Variants in GFOD1 observed in about 807,000 individuals in gnomAD.
GFOD1 encodes Gfo/Idh/MocA-like oxidoreductase domain containing 1.
In GFOD1, 9 loss-of-function variants were observed where a neutral mutation model predicts 25.4. That is an observed-to-expected ratio of 0.35 (90% CI 0.21 to 0.62). The LOEUF (loss-of-function observed/expected upper bound fraction) is 0.62. GFOD1 is among the 20% of genes least tolerant of loss of function. GFOD1 has a pLI of 0.72. For missense variants in GFOD1, 403 were observed against 556.9 expected, an observed-to-expected ratio of 0.72 and a Z score of 2.78; for synonymous variants, 253 against 245.6, an observed-to-expected ratio of 1.03 and a Z score of -0.28.
chr6:13,481,558 T>TACACAC (rs55888360), intron 1 of GFOD1, among the ~76,000 whole-genome samples: 7 of 150,790 alleles, frequency 4.6e-5, no homozygotes, highest in African/African-American at 1.7e-4. Flanking sequence ...AGTGATACCT[T>TACACAC]ACACACACAC....
chr6:13,459,684 G>T (rs1419321648), intron 1 of GFOD1, among the ~76,000 whole-genome samples: 2 of 152,054 alleles, frequency 1.3e-5, no homozygotes, highest in Non-Finnish European at 2.9e-5. Context: ...CAAAAAGTAG[G>T]CAAAGGACAT....
chr6:13,483,755 T>G (rs190185401), intron 1 of GFOD1, among the ~76,000 whole-genome samples: 2 of 152,196 alleles, frequency 1.3e-5, no homozygotes, highest in East Asian at 3.9e-4. Flanking sequence ...CAGGTACAGC[T>G]GATGGAAGAG....
chr6:13,458,655 G>C (rs1308449845), intron 1 of GFOD1, among the ~76,000 whole-genome samples: 3 of 148,194 alleles, frequency 2.0e-5, no homozygotes, highest in Non-Finnish European at 3.0e-5. Flanking sequence ...TTATAGGGTT[G>C]TTGGGACCTT....
chr6:13,423,035 C>T (rs775376933), intron 1 of GFOD1, among the ~76,000 whole-genome samples: 33 of 152,262 alleles, frequency 2.2e-4, no homozygotes, highest in Middle Eastern at 3.4e-3. Context: ...ATGAACAGGC[C>T]ACTTACAAAG....
chr6:13,389,707 A>AC (rs1359288451), intron 1 of GFOD1, among the ~76,000 whole-genome samples: 4 of 152,272 alleles, frequency 2.6e-5, no homozygotes, highest in Admixed American at 2.0e-4. Context: ...GCACATGTAT[A>AC]CCTATGTAAC....
At chr6:13,413,255 C>T (rs926756016) in intron 1 of GFOD1, among the ~76,000 whole-genome samples, 1 of 152,176 alleles carries the variant, frequency 6.6e-6, no homozygotes, top group Non-Finnish European at 1.5e-5. Flanking sequence ...ACGGAGGTGA[C>T]CTGCCAGTCT....
chr6:13,398,076 G>A (rs1025899523), intron 1 of GFOD1, among the ~76,000 whole-genome samples: 19 of 152,172 alleles, frequency 1.2e-4, no homozygotes, highest in African/African-American at 3.6e-4. Context: ...TCCAGGGGCT[G>A]CCAGCACGAG....
At chr6:13,381,652 T>C (rs1236065699) in intron 1 of GFOD1, among the ~76,000 whole-genome samples, 1 of 152,158 alleles carries the variant, frequency 6.6e-6, no homozygotes, top group Non-Finnish European at 1.5e-5. Flanking sequence ...ATGTGGGAGA[T>C]GTCTAGATGT....
chr6:13,442,953 CT>C (rs1442407585), intron 1 of GFOD1, among the ~76,000 whole-genome samples: 3 of 152,080 alleles, frequency 2.0e-5, no homozygotes, highest in African/African-American at 7.2e-5. Flanking sequence ...ATAGTGATTC[CT>C]CTGAAGGATC....
At chr6:13,480,555 C>G (rs772675675) in intron 1 of GFOD1, among the ~76,000 whole-genome samples, 6 of 152,126 alleles carry the variant, frequency 3.9e-5, no homozygotes, top group Non-Finnish European at 7.4e-5. Context: ...CACTCTGTCG[C>G]CCAGACTGGA....
chr6:13,362,761 C>T lies in GFOD1; in HGVS notation c.*1982G>A, dbSNP rs1306717050. On this transcript the variant is annotated 3_prime_UTR_variant, in exon 2 of 2. Coordinates refer to ENST00000379287, the MANE Select transcript of GFOD1 (RefSeq NM_018988.4). ...CTGTTCTAGAAAATGCCCAGCATTC[C>T]CCTCGTGTTTGGACACACCACACTT... is the stretch of plus-strand genomic sequence containing the variant. The T allele has an allele frequency of 6.6e-6, 1 of 152,230 alleles. No homozygotes were observed. Among genetic ancestry groups the T allele is most frequent in the Non-Finnish European group, 1.5e-5 (1 of 68,058 alleles). The allele number at this position is 152,230 out of a possible 1,614,324, so 9.4% of individuals were successfully genotyped here. A position where few individuals can be genotyped will look rare whatever the true frequency, so the allele number is the denominator to read the frequency against.
intron 1 of GFOD1, among the ~76,000 whole-genome samples, chr6:13,478,043 AAC>A (rs897643805): frequency 1.3e-5 from 2 of 150,600 alleles, no homozygotes; most frequent in African/African-American, 4.9e-5. Context: ...CAGCCTGGAC[AAC>A]AGAGTGAGAA....
At chr6:13,484,949 T>C (rs116181869) in intron 1 of GFOD1, among the ~76,000 whole-genome samples, 1,753 of 152,306 alleles carry the variant, frequency 0.012, 16 homozygotes, top group Middle Eastern at 0.02. Flanking sequence ...TTTGTACAAA[T>C]TGCACTAATA....
At chr6:13,418,151 G>A (rs1786193127) in intron 1 of GFOD1, among the ~76,000 whole-genome samples, 1 of 152,194 alleles carries the variant, frequency 6.6e-6, no homozygotes, top group Non-Finnish European at 1.5e-5. Flanking sequence ...CTGGACAAAG[G>A]TTGTCATTTT....
At chr6:13,480,465 T>C (rs1265049438) in intron 1 of GFOD1, among the ~76,000 whole-genome samples, 1 of 152,200 alleles carries the variant, frequency 6.6e-6, no homozygotes, top group African/African-American at 2.4e-5. Flanking sequence ...GCATCCACAC[T>C]GCCTGAGGGC....
rs761437388 is a variant in GFOD1 at position 13,359,431 on chromosome 6, A to T, written c.*5312T>A. On this transcript the variant is annotated 3_prime_UTR_variant, in exon 2 of 2. Transcript: ENST00000379287. ...TGGAGCAGTAGGCGGTGTCAAGGCT[A>T]GATTTGTATTAATATCTAGGAGTGG... is the stretch of plus-strand genomic sequence containing the variant. 3.9e-5 allele frequency: 6 copies of T among 152,202 alleles called. No homozygotes were observed. The highest frequency in any genetic ancestry group is 9.7e-5 in the African/African-American group (4 of 41,430). 9.4% of individuals were successfully genotyped at this position (152,202 alleles called of 1,614,324 possible).
At chr6:13,445,418 A>C (rs1247159752) in intron 1 of GFOD1, among the ~76,000 whole-genome samples, 1 of 152,188 alleles carries the variant, frequency 6.6e-6, no homozygotes, top group Non-Finnish European at 1.5e-5. Flanking sequence ...ATCTGAAGAG[A>C]CCAAGATCCA....
chr6:13,470,112 A>C (rs1275547971), intron 1 of GFOD1: 1 of 1,449,410 alleles, frequency 6.9e-7, no homozygotes, highest in Non-Finnish European at 9.3e-7. Context: ...AAACCGATAA[A>C]TACTGCAGTT....
intron 1 of GFOD1, among the ~76,000 whole-genome samples, chr6:13,370,178 G>C (rs367915100): frequency 2.8e-4 from 42 of 152,318 alleles, no homozygotes; most frequent in Middle Eastern, 3.4e-3. Context: ...TGCTGACCCT[G>C]AATCTTGAAA....
Sources: gnomAD v4.1 joint callset for allele counts (sites outside exome capture counted in the v4.1 genomes callset) on GRCh38, gnomAD v4.1.1 for gene constraint, MANE v1.5 for transcripts, NCBI Gene and HGNC (gene_info 2026-07-23, HGNC 2026-07-21) for gene names.